Variants in FAM193A observed in about 807,000 individuals in gnomAD.
The protein encoded by FAM193A is protein FAM193A.
In FAM193A, 22 loss-of-function variants were observed where a neutral mutation model predicts 126.5. That is an observed-to-expected ratio of 0.17 (90% CI 0.12 to 0.25). The LOEUF (loss-of-function observed/expected upper bound fraction) is 0.25, where lower values mean the gene tolerates loss of function less well. Ranked by LOEUF, FAM193A falls within the 10% of genes least tolerant of loss-of-function variation. The pLI, the probability that FAM193A is intolerant of heterozygous loss-of-function variation, is 1.00. For missense variants in FAM193A, 1,675 were observed against 1,672.8 expected (o/e 1.00, Z -0.02); for synonymous variants, 761 against 646.8 (o/e 1.18, Z -2.68).
chr4:2,664,352 C>T (rs893284154), intron 12 of FAM193A, among the ~76,000 whole-genome samples: 2 of 152,002 alleles, frequency 1.3e-5, no homozygotes, highest in African/African-American at 4.8e-5. Flanking sequence ...TATTGAATTG[C>T]CTTGGCCATT....
At chr4:2,626,868 C>T (rs981049183) in intron 4 of FAM193A, among the ~76,000 whole-genome samples, 4 of 151,976 alleles carry the variant, frequency 2.6e-5, no homozygotes, top group African/African-American at 9.7e-5. Context: ...TTTTTGAGTC[C>T]CCCTGTGCCA....
intron 1 of FAM193A, among the ~76,000 whole-genome samples, chr4:2,571,445 G>A (rs1473377362): frequency 1.3e-5 from 2 of 152,130 alleles, no homozygotes; most frequent in Non-Finnish European, 2.9e-5. Flanking sequence ...TAGGGTTTTG[G>A]AAGTGAATGG....
chr4:2,672,296 T>G lies in FAM193A; in HGVS notation c.2255T>G (p.Leu752Trp). 1 of 1,614,222 alleles carries G rather than the reference T, an allele frequency of 6.2e-7. No individual in the cohort carries two copies. Among genetic ancestry groups the G allele is most frequent in the East Asian group, 2.2e-5 (1 of 44,882 alleles). The change falls in exon 13 of 21, where the codon TTG becomes TGG. Residue 752 changes from leucine to tryptophan, a missense_variant. Leu to Trp is a moderately conservative substitution (Grantham distance 61). This residue lies in a region of FAM193A where 1,186 missense variants were observed against 1,109.2 expected (regional missense o/e 1.07). Transcript: ENST00000637812. ...CCTCACATCCATGGACATGTGCCTT[T>G]GCACACTGTTCCACACCTGCCACGC... The part of the protein sequence containing the change: ...LYPHIHGHVP[L>W]HTVPHLPRPL...
intron 15 of FAM193A, among the ~76,000 whole-genome samples, chr4:2,691,559 G>C (rs1432100896): frequency 6.6e-6 from 1 of 152,086 alleles, no homozygotes; most frequent in African/African-American, 2.4e-5. Context: ...CTGTCACTTA[G>C]GGGGCCCAAA....
chr4:2,570,500 C>T (rs1411973732), intron 1 of FAM193A, among the ~76,000 whole-genome samples: 2 of 152,076 alleles, frequency 1.3e-5, no homozygotes, highest in African/African-American at 4.8e-5. Flanking sequence ...TTTAACTTTT[C>T]CCAAGGTTCC....
chr4:2,603,344 G>A (rs1320154770), intron 2 of FAM193A, among the ~76,000 whole-genome samples: 1 of 150,272 alleles, frequency 6.7e-6, no homozygotes, highest in African/African-American at 2.4e-5. Context: ...GAGTTCAATG[G>A]CGTGATTTCG....
At position 2,690,776 on chromosome 4, in the gene FAM193A, C is replaced by T. The variant is rs1368175393; in HGVS notation, c.2609C>T (p.Ala870Val). Residue 870 changes from alanine (A) to valine (V), a missense_variant, in exon 15 of 21, where the codon GCA becomes GTA. By Grantham distance (64) the Ala-to-Val change is moderately conservative (BLOSUM62 0). Coordinates refer to ENST00000637812, the MANE Select transcript of FAM193A (RefSeq NM_001366318.2). ...CCTCCATCTAGCAATGAAACACCTG[C>T]AGTCTCGGATAGTAAAGAGAAAAAG... The part of the protein sequence containing the change: ...LPPPSSNETP[A>V]VSDSKEKKNA... 4 of 1,613,812 alleles carry T rather than the reference C, an allele frequency of 2.5e-6. 1 individual carries two copies. In the South Asian group the frequency reaches 3.3e-5, roughly 13 times the overall value.
chr4:2,608,234 A>G (rs565753303), intron 2 of FAM193A: 1 of 958,556 alleles, frequency 1.0e-6, no homozygotes, highest in African/African-American at 1.7e-5. Context: ...TATGGAGTGC[A>G]GTGGTGCAAT....
chr4:2,660,822 T>C (rs1712348422), intron 10 of FAM193A, among the ~76,000 whole-genome samples: 2 of 152,200 alleles, frequency 1.3e-5, no homozygotes, highest in African/African-American at 4.8e-5. Context: ...CCTTCAGTCT[T>C]TCCATTTTCA....
At chr4:2,653,471 G>C (rs1026921820) in intron 7 of FAM193A, among the ~76,000 whole-genome samples, 2 of 152,042 alleles carry the variant, frequency 1.3e-5, no homozygotes, top group African/African-American at 4.8e-5. Context: ...TTTAGACAGA[G>C]TCTCTCTCTG....
intron 20 of FAM193A, among the ~76,000 whole-genome samples, chr4:2,726,609 T>C (rs952952285): frequency 6.6e-6 from 1 of 151,824 alleles, no homozygotes; most frequent in African/African-American, 2.4e-5. Context: ...TCCTACTGTT[T>C]GTAATTCAGA....
At chr4:2,625,227 C>T in intron 2 of FAM193A, 35 bp from the exon 3 acceptor site, 1 of 649,342 alleles carries the variant, frequency 1.5e-6, no homozygotes, top group Non-Finnish European at 2.8e-6. Context: ...AACATTTTAA[C>T]ATAACTGGTC....
At chr4:2,618,295 C>T (rs1464769122) in intron 2 of FAM193A, among the ~76,000 whole-genome samples, 1 of 152,094 alleles carries the variant, frequency 6.6e-6, no homozygotes, top group Non-Finnish European at 1.5e-5. Context: ...TTTATAGTTT[C>T]CTCAAATTTA....
chr4:2,552,888 TCCAGGC>T (rs1487923510), intron 1 of FAM193A, among the ~76,000 whole-genome samples: 1 of 143,380 alleles, frequency 7.0e-6, no homozygotes, highest in East Asian at 2.1e-4. Context: ...TGTTCCATCG[TCCAGGC>T]TGGAGTGCAG....
chr4:2,586,207 C>G (rs966881270), intron 1 of FAM193A, among the ~76,000 whole-genome samples: 5 of 151,598 alleles, frequency 3.3e-5, no homozygotes, highest in African/African-American at 1.2e-4. Context: ...GATGCCATTG[C>G]ACTCCAGCCT....
chr4:2,561,755 C>T (rs993502078), intron 1 of FAM193A, among the ~76,000 whole-genome samples: 61 of 152,106 alleles, frequency 4.0e-4, no homozygotes, highest in African/African-American at 6.3e-4. Context: ...CCTCGGCCTC[C>T]CAAAGTGCTG....
chr4:2,551,090 C>A (rs2108820160), intron 1 of FAM193A, among the ~76,000 whole-genome samples: 1 of 152,186 alleles, frequency 6.6e-6, no homozygotes, highest in East Asian at 1.9e-4. Context: ...GTAAGCCCTG[C>A]CTGGTCATTT....
At chr4:2,555,519 C>T (rs756346977) in intron 1 of FAM193A, among the ~76,000 whole-genome samples, 63 of 152,194 alleles carry the variant, frequency 4.1e-4, no homozygotes, top group South Asian at 8.3e-4. Flanking sequence ...TGGTTTACAA[C>T]CATAATCCTA....
chr4:2,645,413 T>C (rs1167115855), intron 6 of FAM193A, among the ~76,000 whole-genome samples: 1 of 152,178 alleles, frequency 6.6e-6, no homozygotes, highest in Non-Finnish European at 1.5e-5. Flanking sequence ...GCCATCTTGC[T>C]CAGTCTTTTC....
Sources: allele counts gnomAD v4.1 joint callset (sites outside exome capture counted in the v4.1 genomes callset), GRCh38; gene constraint gnomAD v4.1.1; regional missense constraint gnomAD v4.1.1; transcripts MANE v1.5; gene names NCBI Gene and HGNC (gene_info 2026-07-23, HGNC 2026-07-21).